Variants in CFAP161 observed in about 807,000 individuals in gnomAD.
CFAP161 encodes cilia and flagella associated protein 161, also known as cilia- and flagella-associated protein 161.
CFAP161 carries 25 observed loss-of-function variants against 29.0 expected under a neutral mutation model. The ratio of observed to expected loss-of-function variants is 0.86; its 90% CI spans 0.63 to 1.20. CFAP161 has a LOEUF of 1.20. Ranked by LOEUF, CFAP161 falls within the 50% of genes most tolerant of loss-of-function variation. The pLI, the probability that CFAP161 is intolerant of heterozygous loss-of-function variation, is 0.00. For synonymous variants in CFAP161, 116 were observed against 137.4 expected, an observed-to-expected ratio of 0.84 and a Z score of 1.09; for missense variants, 367 against 371.9, an observed-to-expected ratio of 0.99 and a Z score of 0.11.
chr15:81,123,631 G>GT (rs1894603668), intron 1 of CFAP161, among the ~76,000 whole-genome samples: 1 of 152,208 alleles, frequency 6.6e-6, no homozygotes, highest in East Asian at 1.9e-4. Context: ...GCTGTAGGCA[G>GT]TATGGCCATT....
At chr15:81,140,042 C>G (rs1047934811) in intron 4 of CFAP161, among the ~76,000 whole-genome samples, 1 of 152,010 alleles carries the variant, frequency 6.6e-6, no homozygotes, top group African/African-American at 2.4e-5. Context: ...TCCTTTCTCT[C>G]TCGCTTCTTT....
At chr15:81,143,480 C>T (rs1194455640) in intron 4 of CFAP161, among the ~76,000 whole-genome samples, 182 bp from the exon 5 acceptor site, 1 of 152,130 alleles carries the variant, frequency 6.6e-6, no homozygotes, top group Non-Finnish European at 1.5e-5. Context: ...GTGTCTTGGT[C>T]TCAGCATGCC....
intron 1 of CFAP161, among the ~76,000 whole-genome samples, chr15:81,124,769 T>C (rs1403962737): frequency 6.6e-6 from 1 of 152,196 alleles, no homozygotes; most frequent in Non-Finnish European, 1.5e-5. Context: ...TTTATCCATT[T>C]CTTCCAGATT....
intron 1 of CFAP161, among the ~76,000 whole-genome samples, chr15:81,114,212 A>T (rs182782218): frequency 1.3e-5 from 2 of 152,380 alleles, no homozygotes; most frequent in African/African-American, 4.8e-5. Flanking sequence ...ATATTGCATT[A>T]AAGTGAGTCA....
chr15:81,121,366 C>T (rs933197829), intron 1 of CFAP161, among the ~76,000 whole-genome samples: 1 of 152,018 alleles, frequency 6.6e-6, no homozygotes, highest in African/African-American at 2.4e-5. Flanking sequence ...CTGCTACTTG[C>T]TGGTTCCATT....
rs535788403 is a variant in CFAP161, at chr15:81,124,022, C to T, written c.-141-3568C>T. On this transcript the variant is annotated intron_variant, in intron 1 of 4. Coordinates refer to the CFAP161 transcript ENST00000560091. ...GACTTTCTTTCTTCCTATTTGAATG[C>T]TTTTTGTTTCTTTCTCTTGCCTGAT... is the stretch of plus-strand genomic sequence containing the variant. Among the ~76,000 whole-genome samples the T allele has an allele frequency of 1.2e-4, 19 of 152,230 alleles. No homozygotes were observed. The South Asian group carries it at 3.1e-3, about 25-fold the overall frequency.
At chr15:81,105,163 T>C (rs181017671) in intron 1 of CFAP161, among the ~76,000 whole-genome samples, 570 of 32,974 alleles carry the variant, frequency 0.017, 37 homozygotes, top group African/African-American at 0.089. Flanking sequence ...CTCCCTCCCT[T>C]CCTTCCTCCC....
At chr15:81,140,888 A>C (rs1160140875) in intron 4 of CFAP161, among the ~76,000 whole-genome samples, 2 of 152,088 alleles carry the variant, frequency 1.3e-5, no homozygotes, top group Non-Finnish European at 2.9e-5. Context: ...CACCCAGCCC[A>C]GTTCTCTATT....
At chr15:81,131,781 A>G (rs115924232), upstream of CFAP161, among the ~76,000 whole-genome samples, 1,173 of 152,306 alleles carry the variant, frequency 7.7e-3, 15 homozygotes, top group African/African-American at 0.027. Flanking sequence ...CCAAACAATA[A>G]GGCCTGAAAA....
upstream of CFAP161, among the ~76,000 whole-genome samples, chr15:81,130,635 G>A (rs1894698750): frequency 6.6e-6 from 1 of 152,226 alleles, no homozygotes; most frequent in Non-Finnish European, 1.5e-5. Flanking sequence ...GGGAGGTGGA[G>A]GTTGTAGTGA....
intron 1 of CFAP161, among the ~76,000 whole-genome samples, chr15:81,106,592 C>G (rs527402242): frequency 6.6e-6 from 1 of 152,354 alleles, no homozygotes; most frequent in Admixed American, 6.5e-5. Context: ...TGAACTGAGC[C>G]TGGAGAACAC....
At chr15:81,104,356 G>T (rs1447887269) in intron 1 of CFAP161, among the ~76,000 whole-genome samples, 2 of 152,238 alleles carry the variant, frequency 1.3e-5, no homozygotes, top group South Asian at 2.1e-4. Context: ...AGACTAGAAA[G>T]CTGTGACAGT....
intron 5 of CFAP161, among the ~76,000 whole-genome samples, chr15:81,145,381 G>T (rs1894989729): frequency 6.6e-6 from 1 of 152,154 alleles, no homozygotes; most frequent in Non-Finnish European, 1.5e-5. Context: ...TCTAAATTTG[G>T]GGTGTTAATA....
chr15:81,128,069 A>C (rs1190492998), intron 2 of CFAP161, among the ~76,000 whole-genome samples: 1 of 152,198 alleles, frequency 6.6e-6, no homozygotes, highest in Non-Finnish European at 1.5e-5. Context: ...GCCTTGTAGA[A>C]GTATTTTTTG....
chr15:81,103,341 C>T (rs973084814), intron 1 of CFAP161, among the ~76,000 whole-genome samples: 3 of 152,200 alleles, frequency 2.0e-5, no homozygotes, highest in African/African-American at 7.2e-5. Context: ...TCCTGCCCTC[C>T]TTTCACTTGC....
chr15:81,132,349 C>T (rs192631993), upstream of CFAP161, among the ~76,000 whole-genome samples: 14 of 152,108 alleles, frequency 9.2e-5, no homozygotes, highest in African/African-American at 3.4e-4. Flanking sequence ...AAGAAAAAAA[C>T]GCTATCAACA....
intron 1 of CFAP161, among the ~76,000 whole-genome samples, chr15:81,117,204 C>T (rs1019033693): frequency 7.2e-6 from 1 of 138,428 alleles, no homozygotes; most frequent in Non-Finnish European, 1.6e-5. Flanking sequence ...TTGTATCATA[C>T]TTATAAAGAG....
chr15:81,105,444 G>T (rs921901863), intron 1 of CFAP161, among the ~76,000 whole-genome samples: 4 of 146,382 alleles, frequency 2.7e-5, no homozygotes, highest in Non-Finnish European at 6.0e-5. Context: ...CTGAGACGGG[G>T]TCTCACTGTG....
chr15:81,111,007 C>T (rs570349728), intron 1 of CFAP161, among the ~76,000 whole-genome samples: 37 of 152,348 alleles, frequency 2.4e-4, no homozygotes, highest in Non-Finnish European at 4.4e-4. Context: ...AATAGGAATA[C>T]GTGCCTTTGA....
Sources: allele counts gnomAD v4.1 joint callset (sites outside exome capture counted in the v4.1 genomes callset), GRCh38; gene constraint gnomAD v4.1.1; transcripts MANE v1.5; gene names NCBI Gene and HGNC (gene_info 2026-07-23, HGNC 2026-07-21).